The following ATP8A2 variants were observed in gnomAD, a reference collection of about 807,000 sequenced individuals.
The protein encoded by ATP8A2 is ATPase phospholipid transporting 8A2, also known as phospholipid-transporting ATPase IB.
Under a neutral mutation model 165.6 loss-of-function variants are expected in ATP8A2, and 100 were observed. That is an observed-to-expected ratio of 0.60 (90% CI 0.51 to 0.71). ATP8A2 has a LOEUF of 0.71. Among genes scored for constraint, ATP8A2 ranks in the 30% least tolerant of loss-of-function variants. The pLI, the probability that ATP8A2 is intolerant of heterozygous loss-of-function variation, is 0.00. For synonymous variants in ATP8A2, 543 were observed against 548.8 expected, an observed-to-expected ratio of 0.99 and a Z score of 0.15; for missense variants, 1,227 against 1,479.5, an observed-to-expected ratio of 0.83 and a Z score of 2.80.
At chr13:25,724,244 C>T (rs1181586865) in intron 25 of ATP8A2, among the ~76,000 whole-genome samples, 2 of 152,158 alleles carry the variant, frequency 1.3e-5, no homozygotes, top group East Asian at 1.9e-4. Flanking sequence ...GGCTCTGTGC[C>T]CATGATCAGG....
chr13:25,905,469 C>G (rs1953909442), intron 33 of ATP8A2, among the ~76,000 whole-genome samples: 1 of 152,026 alleles, frequency 6.6e-6, no homozygotes, highest in Admixed American at 6.6e-5. Flanking sequence ...TTTCTGGTTT[C>G]TCCTAGCATT....
At chr13:25,523,393 G>A (rs1447472482) in intron 2 of ATP8A2, among the ~76,000 whole-genome samples, 2 of 151,476 alleles carry the variant, frequency 1.3e-5, no homozygotes, top group Non-Finnish European at 2.9e-5. Flanking sequence ...CCTCAGCGAC[G>A]TCCTGAGTAG....
intron 2 of ATP8A2, among the ~76,000 whole-genome samples, chr13:25,522,211 T>C (rs1279785407): frequency 6.6e-6 from 1 of 152,228 alleles, no homozygotes; most frequent in Non-Finnish European, 1.5e-5. Context: ...TTCCTAGGTA[T>C]TTTACGTTCT....
At chr13:25,561,217 T>C (rs2039143898) in intron 15 of ATP8A2, among the ~76,000 whole-genome samples, 1 of 152,206 alleles carries the variant, frequency 6.6e-6, no homozygotes, top group South Asian at 2.1e-4. Context: ...GAGTTTCCTC[T>C]TCTTGATTCT....
chr13:25,545,635 T>C (rs2038625968), intron 10 of ATP8A2, among the ~76,000 whole-genome samples: 1 of 152,166 alleles, frequency 6.6e-6, no homozygotes, highest in Non-Finnish European at 1.5e-5. Flanking sequence ...CTGGCTTTTG[T>C]TTGTTTGTTT....
At chr13:25,637,092 C>CAAAA (rs56069703) in intron 24 of ATP8A2, among the ~76,000 whole-genome samples, 4 of 67,688 alleles carry the variant, frequency 5.9e-5, no homozygotes, top group African/African-American at 2.3e-4. Flanking sequence ...GACCCTGTCT[C>CAAAA]AAAAAAAAAA....
At chr13:25,944,538 T>A (rs1318912987) in intron 33 of ATP8A2, 1 of 152,006 alleles carries the variant, frequency 6.6e-6, no homozygotes, top group Non-Finnish European at 1.5e-5. Context: ...AAGGATTGCT[T>A]AAGCCCAGGA....
At chr13:25,573,483 C>T (rs899754005) in intron 18 of ATP8A2, among the ~76,000 whole-genome samples, 2 of 152,174 alleles carry the variant, frequency 1.3e-5, no homozygotes, top group African/African-American at 2.4e-5. Flanking sequence ...TCCTACTCAA[C>T]CATTCATCAA....
At chr13:25,714,055 A>C (rs1566071051) in intron 25 of ATP8A2, among the ~76,000 whole-genome samples, 1 of 152,100 alleles carries the variant, frequency 6.6e-6, no homozygotes, top group Non-Finnish European at 1.5e-5. Flanking sequence ...GCTATCCTTA[A>C]CTATCAGCTT....
intron 1 of ATP8A2, among the ~76,000 whole-genome samples, chr13:25,436,779 G>T (rs1470569381): frequency 7.2e-6 from 1 of 139,116 alleles, no homozygotes; most frequent in African/African-American, 2.7e-5. Flanking sequence ...GTTGTTTTAT[G>T]ACTTTTTTTT....
chr13:25,715,302 G>A (rs994033610), intron 25 of ATP8A2, among the ~76,000 whole-genome samples: 2 of 152,198 alleles, frequency 1.3e-5, no homozygotes, highest in Non-Finnish European at 2.9e-5. Flanking sequence ...GCAAAGGAAT[G>A]ATGTGGTCAG....
chr13:25,883,993 G>A (rs1477912017), intron 33 of ATP8A2, among the ~76,000 whole-genome samples: 1 of 152,190 alleles, frequency 6.6e-6, no homozygotes, highest in East Asian at 1.9e-4. Flanking sequence ...TATCCCTTTT[G>A]TGCACATGGC....
At chr13:25,670,020 A>G (rs367952358) in intron 24 of ATP8A2, among the ~76,000 whole-genome samples, 3 of 152,364 alleles carry the variant, frequency 2.0e-5, no homozygotes, top group African/African-American at 7.2e-5. Flanking sequence ...TGCTGGGGTT[A>G]GAGCATGGTG....
intron 10 of ATP8A2, among the ~76,000 whole-genome samples, chr13:25,548,167 A>G (rs2038710707): frequency 6.6e-6 from 1 of 152,224 alleles, no homozygotes; most frequent in Non-Finnish European, 1.5e-5. Context: ...CAGAGGTTGC[A>G]GTGATCCATG....
chr13:25,497,779 C>T (rs2036722958), intron 2 of ATP8A2, among the ~76,000 whole-genome samples: 1 of 151,800 alleles, frequency 6.6e-6, no homozygotes, highest in African/African-American at 2.4e-5. Flanking sequence ...TACGGTGAAA[C>T]CCTGTCTCTA....
chr13:25,486,211 A>G (rs960274856), intron 2 of ATP8A2, among the ~76,000 whole-genome samples: 1 of 152,100 alleles, frequency 6.6e-6, no homozygotes, highest in Non-Finnish European at 1.5e-5. Flanking sequence ...TATTTTTTTT[A>G]TCATGTGTCA....
At chr13:25,615,840 C>A (rs1047384551) in intron 24 of ATP8A2, among the ~76,000 whole-genome samples, 2 of 152,144 alleles carry the variant, frequency 1.3e-5, no homozygotes, top group Admixed American at 1.3e-4. Flanking sequence ...GGTTCAGGGG[C>A]AGACAGTTCC....
At chr13:25,531,186 T>A (rs899656828) in intron 4 of ATP8A2, among the ~76,000 whole-genome samples, 12 of 138,122 alleles carry the variant, frequency 8.7e-5, no homozygotes, top group Admixed American at 1.5e-4. Flanking sequence ...TATATATATG[T>A]TATATATGTT....
At chr13:25,993,785 C>G (rs1956440474) in intron 35 of ATP8A2, among the ~76,000 whole-genome samples, 1 of 152,032 alleles carries the variant, frequency 6.6e-6, no homozygotes, top group Admixed American at 6.6e-5. Context: ...TGATTTCTTC[C>G]ATTTCATTCT....
Sources: gnomAD v4.1 joint callset for allele counts (sites outside exome capture counted in the v4.1 genomes callset) on GRCh38, gnomAD v4.1.1 for gene constraint, MANE v1.5 for transcripts, NCBI Gene and HGNC (gene_info 2026-07-23, HGNC 2026-07-21) for gene names.